CAMK1D: variants seen among roughly 807,000 people sequenced by gnomAD.
CAMK1D encodes the protein calcium/calmodulin dependent protein kinase ID, also known as calcium/calmodulin-dependent protein kinase type 1D.
In CAMK1D, 9 loss-of-function variants were observed where a neutral mutation model predicts 47.7. The ratio of observed to expected loss-of-function variants is 0.19; its 90% CI spans 0.11 to 0.33. The LOEUF is 0.33. CAMK1D is among the 10% of genes least tolerant of loss of function. The pLI is 1.00. For synonymous variants in CAMK1D, 184 were observed against 184.9 expected, an observed-to-expected ratio of 0.99 and a Z score of 0.04; for missense variants, 291 against 488.7, an observed-to-expected ratio of 0.60 and a Z score of 3.81.
intron 3 of CAMK1D, among the ~76,000 whole-genome samples, chr10:12,754,275 A>T (rs1836130325): frequency 6.6e-6 from 1 of 152,074 alleles, no homozygotes; most frequent in African/African-American, 2.4e-5. Context: ...GAAGTCTTCC[A>T]AAGCACCCTC....
chr10:12,547,293 C>T (rs981969677), intron 1 of CAMK1D, among the ~76,000 whole-genome samples: 5 of 152,196 alleles, frequency 3.3e-5, no homozygotes, highest in Non-Finnish European at 7.3e-5. Context: ...GGGCCCAGCC[C>T]ACAAGGGTCC....
intron 6 of CAMK1D, among the ~76,000 whole-genome samples, chr10:12,800,514 A>G (rs1838378686): frequency 6.6e-6 from 1 of 152,190 alleles, no homozygotes; most frequent in Admixed American, 6.5e-5. Context: ...ACATGTGGGC[A>G]CACTCTGACA....
At chr10:12,447,819 C>T (rs1832964528) in intron 1 of CAMK1D, among the ~76,000 whole-genome samples, 1 of 151,796 alleles carries the variant, frequency 6.6e-6, no homozygotes, top group Non-Finnish European at 1.5e-5. Context: ...TATGTATCAC[C>T]ATGCTTGGCT....
chr10:12,625,960 G>A (rs1839201532), intron 2 of CAMK1D, among the ~76,000 whole-genome samples: 2 of 152,060 alleles, frequency 1.3e-5, no homozygotes, highest in African/African-American at 4.8e-5. Context: ...TTCTTGTTTT[G>A]TTGATTTTAT....
rs11257977 is a variant in CAMK1D at position 12,766,290 on chromosome 10, C to A, written c.439-3383C>A. 2.6e-3 allele frequency among the ~76,000 whole-genome samples: 370 copies of A among 143,434 alleles called. 11 individuals are homozygous for A. The East Asian group carries it at 0.036, about 14-fold the overall frequency. The allele number at this position is 143,434 out of a possible 152,430, so 94.1% of individuals were successfully genotyped here. A position where few individuals can be genotyped will look rare whatever the true frequency, so the allele number is the denominator to read the frequency against. On this transcript the variant is annotated intron_variant, in intron 4 of 10. Transcript: ENST00000619168. ...CCTCCCCCAGCCCTGGCCCCGTGCC[C>A]TGCCATCCCCACCCTAATCTTTTAT...
At chr10:12,714,807 A>ACACACACACACACAC in intron 3 of CAMK1D, among the ~76,000 whole-genome samples, 1 of 86,566 alleles carries the variant, frequency 1.2e-5, no homozygotes, top group Admixed American at 1.0e-4. Flanking sequence ...CACACACACA[A>ACACACACACACACAC]TGTCTGATTA....
chr10:12,552,868 A>G (rs1450355154), intron 1 of CAMK1D, among the ~76,000 whole-genome samples: 1 of 152,114 alleles, frequency 6.6e-6, no homozygotes, highest in African/African-American at 2.4e-5. Context: ...CAGCCTCCCA[A>G]GTAGCTGGAA....
chr10:12,672,379 C>CT (rs1011941741), intron 3 of CAMK1D, among the ~76,000 whole-genome samples: 9 of 151,192 alleles, frequency 6.0e-5, no homozygotes, highest in African/African-American at 1.9e-4. Flanking sequence ...CTTTTGCCTT[C>CT]TTTTTTTGAG....
At chr10:12,613,260 C>G (rs1286781169) in intron 2 of CAMK1D, among the ~76,000 whole-genome samples, 1 of 152,310 alleles carries the variant, frequency 6.6e-6, no homozygotes, top group African/African-American at 2.4e-5. Context: ...AAATTGGCAC[C>G]TAAGCGTGAT....
intron 1 of CAMK1D, among the ~76,000 whole-genome samples, chr10:12,394,642 C>T (rs1838871288): frequency 6.6e-6 from 1 of 152,146 alleles, no homozygotes; most frequent in African/African-American, 2.4e-5. Flanking sequence ...CCTGCCACAC[C>T]TGGGAGGTGG....
At chr10:12,773,242 C>T (rs998966796) in intron 5 of CAMK1D, among the ~76,000 whole-genome samples, 2 of 152,220 alleles carry the variant, frequency 1.3e-5, no homozygotes, top group South Asian at 4.1e-4. Context: ...CCCTTCCATT[C>T]ACTCAGCATG....
At chr10:12,730,211 G>GT (rs1834829318) in intron 3 of CAMK1D, among the ~76,000 whole-genome samples, 1 of 152,142 alleles carries the variant, frequency 6.6e-6, no homozygotes, top group East Asian at 1.9e-4. Flanking sequence ...GGGAGATGGG[G>GT]TAGGATTCTG....
At chr10:12,641,579 A>C (rs1165677660) in intron 2 of CAMK1D, among the ~76,000 whole-genome samples, 1 of 151,838 alleles carries the variant, frequency 6.6e-6, no homozygotes, top group Non-Finnish European at 1.5e-5. Context: ...TGGTCTCACC[A>C]CTGCATTCCA....
intron 2 of CAMK1D, among the ~76,000 whole-genome samples, chr10:12,621,082 A>C (rs559781707): frequency 1.3e-5 from 2 of 152,332 alleles, no homozygotes; most frequent in African/African-American, 4.8e-5. Flanking sequence ...TTGCATCTTT[A>C]TCAAAACTCA....
chr10:12,826,263 TTCTC>T (rs1833205197), intron 10 of CAMK1D: 1 of 153,032 alleles, frequency 6.5e-6, no homozygotes, highest in African/African-American at 2.4e-5. Flanking sequence ...CCTGGACTCT[TTCTC>T]ATCTCCATCC....
At chr10:12,795,482 C>A (rs1838159295) in intron 6 of CAMK1D, among the ~76,000 whole-genome samples, 1 of 152,226 alleles carries the variant, frequency 6.6e-6, no homozygotes, top group Non-Finnish European at 1.5e-5. Context: ...GAGGCCACCT[C>A]CCCACACGGA....
chr10:12,563,583 C>G (rs542834378), intron 2 of CAMK1D, among the ~76,000 whole-genome samples: 1 of 151,716 alleles, frequency 6.6e-6, no homozygotes, highest in African/African-American at 2.4e-5. Context: ...CAAGTTGACA[C>G]ATAAAATTAT....
intron 1 of CAMK1D, among the ~76,000 whole-genome samples, chr10:12,374,942 C>CAAAAAA (rs71384315): frequency 2.1e-5 from 2 of 94,550 alleles, no homozygotes; most frequent in South Asian, 3.8e-4. Context: ...GACTCCGTCT[C>CAAAAAA]AAAAAAAAAA....
chr10:12,526,989 A>G (rs932390054), intron 1 of CAMK1D, among the ~76,000 whole-genome samples: 4 of 152,044 alleles, frequency 2.6e-5, no homozygotes, highest in Admixed American at 6.6e-5. Context: ...GTTTGAGAGC[A>G]GCCTAGGCAA....
Sources: gnomAD v4.1 joint callset for allele counts (sites outside exome capture counted in the v4.1 genomes callset) on GRCh38, gnomAD v4.1.1 for gene constraint, MANE v1.5 for transcripts, NCBI Gene and HGNC (gene_info 2026-07-23, HGNC 2026-07-21) for gene names.